CCDC86: variants seen among roughly 807,000 people sequenced by gnomAD.
CCDC86 encodes the protein coiled-coil domain containing 86.
A neutral mutation model predicts 36.7 loss-of-function variants in CCDC86; 28 were observed. The observed-to-expected ratio is 0.76, with a 90% CI of 0.57 to 1.05. The LOEUF is 1.05. CCDC86 is among the 50% of genes least tolerant of loss of function. CCDC86 has a pLI of 0.00. For missense variants in CCDC86, 453 were observed against 470.2 expected, an observed-to-expected ratio of 0.96 and a Z score of 0.34; for synonymous variants, 199 against 203.4, an observed-to-expected ratio of 0.98 and a Z score of 0.18.
intron 1 of CCDC86, among the ~76,000 whole-genome samples, chr11:60,844,476 C>G (rs1368301599): frequency 1.3e-5 from 2 of 152,184 alleles, no homozygotes; most frequent in Non-Finnish European, 2.9e-5. Context: ...ACGCTCCCTC[C>G]TTCCTCAGCG....
At chr11:60,844,088 A>C (rs114429325) in intron 1 of CCDC86, among the ~76,000 whole-genome samples, 3,369 of 152,284 alleles carry the variant, frequency 0.022, 53 homozygotes, top group Middle Eastern at 0.048. Context: ...AGGCTGGTTC[A>C]GGTGGGAAGA....
At chr11:60,845,295 G>A (rs1193792261) in intron 1 of CCDC86, among the ~76,000 whole-genome samples, 2 of 152,228 alleles carry the variant, frequency 1.3e-5, no homozygotes, top group African/African-American at 4.8e-5. Flanking sequence ...CGGCTTTCCT[G>A]AGTGAGCTTG....
At chr11:60,847,521 C>G (rs1254859173) in intron 1 of CCDC86, 1 of 157,330 alleles carries the variant, frequency 6.4e-6, no homozygotes, top group African/African-American at 2.4e-5. Context: ...GCATTCACAC[C>G]CGGGCCAAAT....
chr11:60,845,496 AAT>A (rs1855171542), intron 1 of CCDC86, among the ~76,000 whole-genome samples: 1 of 152,184 alleles, frequency 6.6e-6, no homozygotes, highest in Non-Finnish European at 1.5e-5. Flanking sequence ...AGGGCCACTG[AAT>A]GGATGTTTGG....
intron 1 of CCDC86, among the ~76,000 whole-genome samples, chr11:60,843,914 CTG>C (rs1378097274): frequency 6.6e-6 from 1 of 152,198 alleles, no homozygotes; most frequent in East Asian, 1.9e-4. Context: ...ACAGAAGAAA[CTG>C]AGGCTTACAG....
At chr11:60,845,765 C>A (rs903197471) in intron 1 of CCDC86, among the ~76,000 whole-genome samples, 1 of 152,322 alleles carries the variant, frequency 6.6e-6, no homozygotes, top group Non-Finnish European at 1.5e-5. Flanking sequence ...TCTCCCACCA[C>A]CCTTTGGGTT....
rs202099467 is a variant in CCDC86 at position 60,850,372 on chromosome 11, A to G, written c.*47A>G. The G allele has an allele frequency of 3.4e-4, 540 of 1,602,724 alleles. 2 individuals are homozygous for G. The highest frequency in any genetic ancestry group is 4.3e-4 in the Non-Finnish European group (506 of 1,172,008). ...TCCATGGCCAACAACCATGTCAGAC[A>G]CAGCACCTCAGGCCGCTGCTCAGAT... On this transcript the variant is annotated 3_prime_UTR_variant, in exon 4 of 4. Coordinates refer to ENST00000227520, the MANE Select transcript of CCDC86 (RefSeq NM_024098.4).
At chr11:60,846,924 A>G (rs923257210) in intron 1 of CCDC86, among the ~76,000 whole-genome samples, 2 of 151,928 alleles carry the variant, frequency 1.3e-5, no homozygotes, top group Non-Finnish European at 2.9e-5. Flanking sequence ...CATCCTAGAC[A>G]TATCATCCCA....
In CCDC86 at chr11:60,842,688, C is replaced by A. The variant is rs139301300; in HGVS notation, c.564C>A (p.Ser188=). 1.2e-6 allele frequency: 2 copies of A among 1,613,860 alleles called. No homozygotes were observed. The highest frequency in any genetic ancestry group is 1.7e-6 in the Non-Finnish European group (2 of 1,179,936). ...LLELTPRAPG[S]PRGQHEPSKP... The stretch of plus-strand genomic sequence containing the variant: ...AGCTGACACCCAGGGCACCTGGCTC[C>A]CCCCGGGGTCAGCATGAGCCGAGCA... The change falls in exon 1 of 4, where the codon TCC becomes TCA. Residue 188 remains serine, a synonymous_variant. Coordinates refer to ENST00000227520, the MANE Select transcript of CCDC86 (RefSeq NM_024098.4).
chr11:60,842,539 G>A lies in CCDC86; in HGVS notation c.415G>A (p.Ala139Thr), dbSNP rs1414376094. 1.1e-5 allele frequency: 18 copies of A among 1,613,496 alleles called. No individual in the cohort carries two copies. The highest frequency in any genetic ancestry group is 1.5e-5 in the Non-Finnish European group (18 of 1,179,974). ...CCAGGGAGTACTGGCCTCGGAGTTGGCCCAGAATAAGGAGGAGCTGACCCC... is the reference window on the plus strand; with the variant it reads ...CCAGGGAGTACTGGCCTCGGAGTTGACCCAGAATAAGGAGGAGCTGACCCC... Reference protein sequence around the residue: ...QDQGVLASELAQNKEELTPGA... With the variant: ...QDQGVLASELTQNKEELTPGA... The change falls in exon 1 of 4, where the codon GCC (alanine) becomes ACC (threonine). Residue 139 changes from alanine (A) to threonine (T), a missense_variant. Physicochemically the swap from Ala to Thr is moderately conservative, Grantham distance 58 (BLOSUM62 0). Transcript: ENST00000227520.
rs775733321 is a variant in CCDC86, at chr11:60,842,689, C to G, written c.565C>G (p.Pro189Ala). Residue 189 changes from proline (P) to alanine (A), a missense_variant, in exon 1 of 4, where the codon CCC (proline) becomes GCC (alanine). Transcript: ENST00000227520. ...LELTPRAPGSPRGQHEPSKPP... is the reference protein window; with the variant it reads ...LELTPRAPGSARGQHEPSKPP... Reference sequence around the variant, plus strand: ...GCTGACACCCAGGGCACCTGGCTCCCCCCGGGGTCAGCATGAGCCGAGCAA... The same window carrying G: ...GCTGACACCCAGGGCACCTGGCTCCGCCCGGGGTCAGCATGAGCCGAGCAA... 1 of 1,613,972 alleles carries G rather than the reference C, an allele frequency of 6.2e-7. No homozygotes were observed. The highest frequency in any genetic ancestry group is 8.5e-7 in the Non-Finnish European group (1 of 1,179,984).
chr11:60,851,016 A>G lies in CCDC86; in HGVS notation c.*691A>G, dbSNP rs1390365364. 2 of 152,288 alleles carry G rather than the reference A, an allele frequency of 1.3e-5. No homozygotes were observed. The highest frequency in any genetic ancestry group is 4.8e-5 in the African/African-American group (2 of 41,466). The allele number at this position is 152,288 out of a possible 1,614,324, so 9.4% of individuals were successfully genotyped here. ...CACCGGCAAATACAGACAATAGACC[A>G]AAGTCCCTGCCCTCGAGGAGCTTTC... On this transcript the variant is annotated 3_prime_UTR_variant, in exon 4 of 4. Transcript: ENST00000227520.
chr11:60,848,897 G>A (rs754557194), intron 2 of CCDC86, among the ~76,000 whole-genome samples: 5 of 152,138 alleles, frequency 3.3e-5, no homozygotes, highest in East Asian at 1.9e-4. Flanking sequence ...CAGTGTGTCC[G>A]CCACCATATG....
chr11:60,845,816 T>C (rs1019121933), intron 1 of CCDC86, among the ~76,000 whole-genome samples: 1 of 152,186 alleles, frequency 6.6e-6, no homozygotes, highest in African/African-American at 2.4e-5. Flanking sequence ...TGCTGAGACT[T>C]AGAGAGGCTA....
intron 1 of CCDC86, among the ~76,000 whole-genome samples, chr11:60,843,191 G>C (rs1015769384): frequency 6.6e-6 from 1 of 152,220 alleles, no homozygotes; most frequent in Non-Finnish European, 1.5e-5. Flanking sequence ...CCTCTCTAGT[G>C]AGAGAAGCAG....
chr11:60,847,959 C>T lies in CCDC86; in HGVS notation c.794C>T (p.Thr265Ile). The change falls in exon 2 of 4, where the codon ACA becomes ATA. Residue 265 changes from threonine to isoleucine, a missense_variant. Coordinates refer to ENST00000227520, the MANE Select transcript of CCDC86 (RefSeq NM_024098.4). ...ATGCTTCAGGACAAGCCCCTGCGCA[C>T]ATCGTGGCAGCGGAAGATGAAGGAA... The part of the protein sequence containing the change: ...SQMLQDKPLR[T>I]SWQRKMKERQ... 6.2e-7 allele frequency: 1 copy of T among 1,613,416 alleles called. No homozygotes were observed. The highest frequency in any genetic ancestry group is 8.5e-7 in the Non-Finnish European group (1 of 1,179,570).
Position 60,847,896 on chromosome 11 carries a change from C to T in CCDC86, c.759-28C>T, listed in dbSNP as rs550380174. The T allele has an allele frequency of 2.9e-5, 46 of 1,599,112 alleles. No individual in the cohort carries two copies. The East Asian group carries it at 9.3e-4, about 32-fold the overall frequency. On this transcript the variant is annotated intron_variant, in intron 1 of 3. Transcript: ENST00000227520. ...ATGGGTGGCGCTTGCCCCACAGACCCTGTATGCACCCACTCTCCCCCTTTC... is the reference window on the plus strand; with the variant it reads ...ATGGGTGGCGCTTGCCCCACAGACCTTGTATGCACCCACTCTCCCCCTTTC...
chr11:60,850,062 G>T (rs945679072), intron 3 of CCDC86, 48 bp downstream of exon 3: 1 of 1,607,326 alleles, frequency 6.2e-7, no homozygotes, highest in Non-Finnish European at 8.5e-7. Context: ...ACTTGGGGGT[G>T]CAAACCAGGG....
intron 2 of CCDC86, among the ~76,000 whole-genome samples, chr11:60,848,963 G>A (rs973732953): frequency 6.6e-6 from 1 of 152,190 alleles, no homozygotes; most frequent in Non-Finnish European, 1.5e-5. Context: ...GCAAGACAGA[G>A]CTGCCGTCTC....
Sources: allele counts gnomAD v4.1 joint callset (sites outside exome capture counted in the v4.1 genomes callset), GRCh38; gene constraint gnomAD v4.1.1; transcripts MANE v1.5; gene names NCBI Gene and HGNC (gene_info 2026-07-23, HGNC 2026-07-21).